ARID4A: variants seen among roughly 807,000 people sequenced by gnomAD.
ARID4A encodes AT-rich interactive domain-containing protein 4A.
ARID4A carries 39 observed loss-of-function variants against 148.6 expected under a neutral mutation model. The observed-to-expected ratio is 0.26, with a 90% CI of 0.20 to 0.34. ARID4A has a LOEUF of 0.34. Ranked by LOEUF, ARID4A falls within the 10% of genes least tolerant of loss-of-function variation. The pLI is 1.00. For missense variants in ARID4A, 1,265 were observed against 1,449.1 expected (o/e 0.87, Z 2.06); for synonymous variants, 475 against 481.2 (o/e 0.99, Z 0.17).
chr14:58,328,351 AG>A (rs780842560), intron 9 of ARID4A, 35 bp downstream of exon 9: 6 of 1,363,962 alleles, frequency 4.4e-6, no homozygotes, highest in Middle Eastern at 4.2e-4. Context: ...GTTACGTGGG[AG>A]GAAAAAAAAA....
At chr14:58,313,885 C>T (rs183901466) in intron 5 of ARID4A, among the ~76,000 whole-genome samples, 69 of 152,332 alleles carry the variant, frequency 4.5e-4, no homozygotes, top group Non-Finnish European at 8.8e-4. Flanking sequence ...GTCTGGGCCT[C>T]CGGCCAATTG....
At chr14:58,371,726 A>T (rs2035623769) in intron 23 of ARID4A, among the ~76,000 whole-genome samples, 160 bp from the exon 24 acceptor site, 1 of 152,222 alleles carries the variant, frequency 6.6e-6, no homozygotes, top group East Asian at 1.9e-4. Context: ...TAATTGAGCC[A>T]AACAAAATTT....
chr14:58,320,783 A>G (rs1430069005), intron 7 of ARID4A, among the ~76,000 whole-genome samples: 1 of 151,558 alleles, frequency 6.6e-6, no homozygotes, highest in Non-Finnish European at 1.5e-5. Flanking sequence ...AATTTTTTGT[A>G]TTTTTAGTAG....
At chr14:58,363,420 C>G (rs539769876) in intron 19 of ARID4A, among the ~76,000 whole-genome samples, 6 of 152,254 alleles carry the variant, frequency 3.9e-5, no homozygotes, top group African/African-American at 1.4e-4. Context: ...ACTTTTCTTG[C>G]TGGGCACGGT....
chr14:58,308,519 T>G (rs1164319992), intron 5 of ARID4A, among the ~76,000 whole-genome samples: 1 of 152,252 alleles, frequency 6.6e-6, no homozygotes, highest in Non-Finnish European at 1.5e-5. Flanking sequence ...ATAAAAAGAT[T>G]TTGAAAGGCA....
At chr14:58,301,997 AGTGTTT>A (rs1487420307) in intron 3 of ARID4A, among the ~76,000 whole-genome samples, 2 of 152,190 alleles carry the variant, frequency 1.3e-5, no homozygotes, top group Non-Finnish European at 1.5e-5. Context: ...AGACAATTTT[AGTGTTT>A]AGGACAATAC....
chr14:58,344,291 TTATATATAAATATATGATATAA>T (rs2034252083), intron 11 of ARID4A, among the ~76,000 whole-genome samples: 1 of 152,156 alleles, frequency 6.6e-6, no homozygotes, highest in African/African-American at 2.4e-5. Flanking sequence ...AAAATTATTT[TTATATATAAATATATGATATAA>T]TGAACATGTG....
intron 16 of ARID4A, among the ~76,000 whole-genome samples, chr14:58,352,391 T>A (rs1442266995): frequency 1.3e-5 from 2 of 152,158 alleles, no homozygotes; most frequent in Non-Finnish European, 2.9e-5. Context: ...GTATAGAATT[T>A]TAAATATTTG....
intron 11 of ARID4A, among the ~76,000 whole-genome samples, chr14:58,335,153 G>C (rs556003652): frequency 6.6e-6 from 1 of 152,156 alleles, no homozygotes; most frequent in African/African-American, 2.4e-5. Context: ...CAGTACCTCT[G>C]ACATACCTAA....
chr14:58,361,680 C>T (rs1260792136), intron 19 of ARID4A, among the ~76,000 whole-genome samples: 3 of 152,210 alleles, frequency 2.0e-5, no homozygotes, highest in East Asian at 1.9e-4. Flanking sequence ...GGCTTTCAGT[C>T]TCCACCTACG....
chr14:58,321,691 A>T (rs895656779), intron 7 of ARID4A, among the ~76,000 whole-genome samples: 2 of 152,086 alleles, frequency 1.3e-5, no homozygotes, highest in African/African-American at 4.8e-5. Flanking sequence ...AAGTCAGATA[A>T]CACCTAAGCT....
intron 10 of ARID4A, 85 bp from the exon 11 acceptor site, chr14:58,329,918 A>G: frequency 1.3e-6 from 2 of 1,516,580 alleles, no homozygotes; most frequent in Non-Finnish European, 1.8e-6. Flanking sequence ...TTGAATTCAG[A>G]TCTTTGATTC....
At chr14:58,354,674 C>T (rs1042314438) in intron 17 of ARID4A, among the ~76,000 whole-genome samples, 4 of 148,848 alleles carry the variant, frequency 2.7e-5, no homozygotes, top group African/African-American at 9.9e-5. Flanking sequence ...TAGAGCGAAA[C>T]CCTGTCTCAT....
intron 12 of ARID4A, among the ~76,000 whole-genome samples, chr14:58,345,069 G>A (rs916460106): frequency 8.6e-5 from 13 of 151,724 alleles, no homozygotes; most frequent in African/African-American, 2.2e-4. Flanking sequence ...TTGTAGAGAC[G>A]GGTTTTGCCA....
At position 58,299,805 on chromosome 14, in the gene ARID4A, G is replaced by T; in HGVS notation, c.-50G>T. 1 of 1,613,994 alleles carries T rather than the reference G, an allele frequency of 6.2e-7. No homozygotes were observed. The highest frequency in any genetic ancestry group is 8.5e-7 in the Non-Finnish European group (1 of 1,179,918). On this transcript the variant is annotated 5_prime_UTR_variant, in exon 2 of 24. Transcript: ENST00000355431. ...CTTTCCCCCTCCCCATAGTTCTAGC[G>T]ACTGCGAAGATAGCTCGCTGAGCTG...
chr14:58,341,069 C>T (rs1436129133), intron 11 of ARID4A, among the ~76,000 whole-genome samples: 1 of 152,120 alleles, frequency 6.6e-6, no homozygotes, highest in Non-Finnish European at 1.5e-5. Context: ...GTCTCTCTGT[C>T]TTTCTCTCTG....
intron 15 of ARID4A, among the ~76,000 whole-genome samples, chr14:58,348,351 A>G (rs1004694861): frequency 3.3e-5 from 5 of 152,228 alleles, no homozygotes; most frequent in African/African-American, 1.2e-4. Context: ...TTATTGACAG[A>G]TGCCACGCAT....
intron 7 of ARID4A, 41 bp from the exon 8 acceptor site, chr14:58,323,444 T>A: frequency 6.3e-7 from 1 of 1,582,860 alleles, no homozygotes; most frequent in Non-Finnish European, 8.7e-7. Context: ...ATCAAATAAT[T>A]GTTTGTGTTA....
intron 8 of ARID4A, among the ~76,000 whole-genome samples, chr14:58,326,729 G>T (rs2033234853): frequency 6.6e-6 from 1 of 152,194 alleles, no homozygotes; most frequent in African/African-American, 2.4e-5. Context: ...CCATTAAATA[G>T]TTCATAGGTA....
Sources: gnomAD v4.1 joint callset for allele counts (sites outside exome capture counted in the v4.1 genomes callset) on GRCh38, gnomAD v4.1.1 for gene constraint, MANE v1.5 for transcripts, NCBI Gene and HGNC (gene_info 2026-07-23, HGNC 2026-07-21) for gene names.